Variants in PC observed in about 807,000 individuals in gnomAD.
PC encodes the protein pyruvate carboxylase, also known as pyruvate carboxylase, mitochondrial.
Under a neutral mutation model 107.8 loss-of-function variants are expected in PC, and 46 were observed. The observed-to-expected ratio is 0.43, with a 90% CI of 0.34 to 0.55. The LOEUF is 0.55. Among genes scored for constraint, PC ranks in the 20% least tolerant of loss-of-function variants. The pLI, the probability that PC is intolerant of heterozygous loss-of-function variation, is 0.04. For missense variants in PC, 1,241 were observed against 1,643.1 expected (o/e 0.76, Z 4.23); for synonymous variants, 662 against 684.7 (o/e 0.97, Z 0.52).
intron 3 of PC, among the ~76,000 whole-genome samples, chr11:66,885,722 T>C (rs1221074774): frequency 6.6e-6 from 1 of 151,722 alleles, no homozygotes; most frequent in Non-Finnish European, 1.5e-5. Flanking sequence ...CACCAGAAGC[T>C]GGCAGTGGCC....
chr11:66,928,794 G>A (rs972885097), intron 3 of PC, among the ~76,000 whole-genome samples: 1 of 152,010 alleles, frequency 6.6e-6, no homozygotes, highest in Non-Finnish European at 1.5e-5. Context: ...CAAAGTGCTG[G>A]GATTACAAGC....
intron 3 of PC, among the ~76,000 whole-genome samples, chr11:66,890,692 T>G (rs138484405): frequency 0.037 from 5,594 of 151,342 alleles, 205 homozygotes; most frequent in African/African-American, 0.078. Context: ...GAGAGATGGG[T>G]TTTCTCCATG....
intron 3 of PC, among the ~76,000 whole-genome samples, chr11:66,938,242 C>A (rs1168554689): frequency 6.6e-6 from 1 of 152,140 alleles, no homozygotes; most frequent in Middle Eastern, 3.4e-3. Context: ...TGCGATTTTT[C>A]CTGAATAAAT....
intron 9 of PC, among the ~76,000 whole-genome samples, chr11:66,869,760 T>A (rs1323476094): frequency 6.6e-6 from 1 of 152,110 alleles, no homozygotes; most frequent in Non-Finnish European, 1.5e-5. Flanking sequence ...TCCAGGCCAG[T>A]CCTGGGGCAG....
Position 66,870,632 on chromosome 11 carries a change from A to G in PC, c.751+143T>C, listed in dbSNP as rs1946687753. ...AGGACCAACTGCCAGCTCGGCCCCT[A>G]GAGCCCACTTTCCAGAGTCCTCTGG... On this transcript the variant is annotated intron_variant, in intron 8 of 22. Coordinates refer to ENST00000393960, the MANE Select transcript of PC (RefSeq NM_001040716.2). This position sits in a 1 kb window ranked among gnomAD's most constrained non-coding sequence, Gnocchi z 6.1. The G allele has an allele frequency of 9.0e-7, 1 of 1,117,194 alleles. No individual in the cohort carries two copies. The highest frequency in any genetic ancestry group is 2.4e-5 in the East Asian group (1 of 42,300). 69.2% of individuals were successfully genotyped at this position (1,117,194 alleles called of 1,614,324 possible).
chr11:66,850,943 G>A lies in PC; in HGVS notation c.2224-20C>T. The A allele has an allele frequency of 1.2e-6, 2 of 1,607,052 alleles. No individual in the cohort carries two copies. Among genetic ancestry groups the A allele is most frequent in the South Asian group, 2.2e-5 (2 of 91,074 alleles). ...CATGTCCTGGGGGAAGTGGGAGAGA[G>A]AGAGAGAGAGATGGTAGAGAGGGCA... is the stretch of plus-strand genomic sequence containing the variant. On this transcript the variant is annotated intron_variant, in intron 17 of 22. Transcript: ENST00000393960.
Position 66,850,310 on chromosome 11 carries a change from G to GA in PC, c.2627dup (p.Gln877ProfsTer90). On this transcript the variant is annotated frameshift_variant, in exon 19 of 23. Transcript: ENST00000393960. LOFTEE classifies it high-confidence loss of function. ...AGCCAAGCCCCATGCTGTGGGCCTG[G>GA]AAGTGCAGGTTGGTGTACTGGCCCC... 6.2e-7 allele frequency: 1 copy of GA among 1,614,152 alleles called. No homozygotes were observed. The highest frequency in any genetic ancestry group is 1.1e-5 in the South Asian group (1 of 91,090).
chr11:66,947,292 A>C (rs551235901), intron 3 of PC, among the ~76,000 whole-genome samples: 98 of 147,002 alleles, frequency 6.7e-4, no homozygotes, highest in Admixed American at 2.0e-3. Flanking sequence ...TGAAATCAGC[A>C]AAAAAAAAAA....
At chr11:66,943,890 A>AG (rs1949218700) in intron 3 of PC, among the ~76,000 whole-genome samples, 1 of 150,404 alleles carries the variant, frequency 6.6e-6, no homozygotes, top group African/African-American at 2.4e-5. Context: ...AGGCTGAGGC[A>AG]GAGAATCTCT....
Position 66,866,338 on chromosome 11 carries a change from A to C in PC, c.1034T>G (p.Val345Gly), listed in dbSNP as rs865985001. Residue 345 changes from valine to glycine, a missense_variant, in exon 11 of 23, where the codon GTC becomes GGC. Physicochemically the swap from Val to Gly is moderately radical, Grantham distance 109. Around this residue, in one of 2 missense-constraint regions of PC, gnomAD observed 1,143 missense variants for 1,551.9 expected, o/e 0.74. Transcript: ENST00000393960. The surrounding 1 kb of genome is among the most constrained non-coding windows in gnomAD (Gnocchi z 5.4). ...CTCAGCCACGTGGATCTGAGCATGG[A>C]CCAGGTCTACGCTGTAGGGCATTGG... ...VTEEITDVDL[V>G]HAQIHVAEGR... is the part of the protein sequence containing the mutation. 2 of 1,586,562 alleles carry C rather than the reference A, an allele frequency of 1.3e-6. No individual in the cohort carries two copies. The highest frequency in any genetic ancestry group is 1.7e-6 in the Non-Finnish European group (2 of 1,165,420).
chr11:66,949,461 C>T (rs1949387519), intron 3 of PC, among the ~76,000 whole-genome samples: 3 of 151,642 alleles, frequency 2.0e-5, no homozygotes, highest in Admixed American at 2.0e-4. Flanking sequence ...TTTGGGAGGC[C>T]GAGGCGGGCA....
intron 16 of PC, 79 bp from the exon 17 acceptor site, chr11:66,851,359 A>G: frequency 1.3e-6 from 2 of 1,581,322 alleles, no homozygotes; most frequent in South Asian, 1.1e-5. Context: ...TTCCTGACCC[A>G]CTCTATGGCC....
At chr11:66,850,487 G>A (rs1286925649) in intron 18 of PC, 23 bp from the exon 19 acceptor site, 1 of 1,613,594 alleles carries the variant, frequency 6.2e-7, no homozygotes, top group Non-Finnish European at 8.5e-7. Flanking sequence ...CAGAGTCAGA[G>A]GAGGCCTTAG....
intron 12 of PC, chr11:66,860,251 C>T (rs1456103387): frequency 7.8e-6 from 12 of 1,536,614 alleles, no homozygotes; most frequent in South Asian, 7.1e-5. Flanking sequence ...GCAGAGGGCC[C>T]GGGGCCGCCG....
intron 3 of PC, among the ~76,000 whole-genome samples, chr11:66,920,987 G>A (rs528507960): frequency 2.0e-5 from 3 of 150,758 alleles, no homozygotes; most frequent in South Asian, 2.1e-4. Flanking sequence ...GCAGTGAGCC[G>A]AGATCTCCAG....
At chr11:66,910,354 A>G (rs1202749662) in intron 3 of PC, among the ~76,000 whole-genome samples, 6 of 152,190 alleles carry the variant, frequency 3.9e-5, no homozygotes, top group Admixed American at 3.3e-4. Context: ...CCATCAGGGC[A>G]GCTGGATGGA....
intron 3 of PC, among the ~76,000 whole-genome samples, chr11:66,900,729 T>C (rs938525279): frequency 2.0e-5 from 3 of 152,220 alleles, no homozygotes; most frequent in Non-Finnish European, 4.4e-5. Flanking sequence ...TTTTATTAAA[T>C]TTATTCCCAA....
In PC at chr11:66,866,038, GCCT is replaced by G; in HGVS notation, c.1185+146_1185+148del. On this transcript the variant is annotated intron_variant, in intron 11 of 22. Transcript: ENST00000393960. This position sits in a 1 kb window ranked among gnomAD's most constrained non-coding sequence, Gnocchi z 5.4. ...GCCGCCCCTCCTCTGGGCACTGCCT[GCCT>G]CCGTGTACTCTATGTCCACTTCAGA... The G allele has an allele frequency of 1.1e-6, 1 of 880,456 alleles. No homozygotes were observed. The highest frequency in any genetic ancestry group is 1.7e-6 in the Non-Finnish European group (1 of 580,080). 54.5% of individuals were successfully genotyped at this position (880,456 alleles called of 1,614,324 possible).
At chr11:66,910,278 G>A (rs538593569) in intron 3 of PC, among the ~76,000 whole-genome samples, 1 of 152,098 alleles carries the variant, frequency 6.6e-6, no homozygotes, top group Non-Finnish European at 1.5e-5. Flanking sequence ...CTCAGCTCTG[G>A]GTAGTGCTTA....
Sources: allele counts gnomAD v4.1 joint callset (sites outside exome capture counted in the v4.1 genomes callset), GRCh38; gene constraint gnomAD v4.1.1; regional missense constraint gnomAD v4.1.1; non-coding constraint Gnocchi (gnomAD v3.1); transcripts MANE v1.5; gene names NCBI Gene and HGNC (gene_info 2026-07-23, HGNC 2026-07-21).